The following NCOR2 variants were observed in gnomAD, a reference collection of about 807,000 sequenced individuals.
NCOR2 encodes the protein nuclear receptor corepressor 2.
In NCOR2, 81 loss-of-function variants were observed where a neutral mutation model predicts 262.9. That is an observed-to-expected ratio of 0.31 (90% CI 0.26 to 0.37). NCOR2 has a LOEUF of 0.37. NCOR2 is among the 10% of genes least tolerant of loss of function. The probability of loss-of-function intolerance (pLI) is 1.00; values close to 1 mark genes in which losing one functional copy is unlikely to be tolerated. For missense variants in NCOR2, 3,385 were observed against 3,621.4 expected, an observed-to-expected ratio of 0.93 and a Z score of 1.68; for synonymous variants, 1,659 against 1,559.3, an observed-to-expected ratio of 1.06 and a Z score of -1.51.
chr12:124,533,892 T>C (rs1042767847), intron 1 of NCOR2, among the ~76,000 whole-genome samples: 1 of 151,978 alleles, frequency 6.6e-6, no homozygotes, highest in Non-Finnish European at 1.5e-5. Context: ...CTGACACACA[T>C]TTGTAAACTT....
intron 27 of NCOR2, among the ~76,000 whole-genome samples, chr12:124,351,717 C>T (rs1382811860): frequency 6.7e-6 from 1 of 148,348 alleles, no homozygotes; most frequent in Non-Finnish European, 1.5e-5. Context: ...ACCAAGCTGC[C>T]GTGGGACCTC....
intron 3 of NCOR2, among the ~76,000 whole-genome samples, chr12:124,480,732 CA>C (rs2047410090): frequency 6.6e-6 from 1 of 151,794 alleles, no homozygotes; most frequent in East Asian, 1.9e-4. Flanking sequence ...CAAGCACCCC[CA>C]GGCGCCCTTG....
Position 124,326,371 on chromosome 12 carries a change from C to G in NCOR2, c.7184-1G>C. 6.7e-7 allele frequency: 1 copy of G among 1,488,588 alleles called. No individual in the cohort carries two copies. Among genetic ancestry groups the G allele is most frequent in the Non-Finnish European group, 8.9e-7 (1 of 1,124,502 alleles). The allele number at this position is 1,488,588 out of a possible 1,614,324, so 92.2% of individuals were successfully genotyped here. ...GAGACCTTGGCCTTCCCGCCGCCAC[C>G]TGCAGGGGGACAAGATGGGAAGGGG... is the stretch of plus-strand genomic sequence containing the variant. On this transcript the variant is annotated splice_acceptor_variant, in intron 45 of 46. Transcript: ENST00000405201. LOFTEE classifies it high-confidence loss of function.
chr12:124,524,563 C>A (rs1311219143), intron 1 of NCOR2, among the ~76,000 whole-genome samples: 1 of 152,196 alleles, frequency 6.6e-6, no homozygotes, highest in Non-Finnish European at 1.5e-5. Flanking sequence ...AAAGCCAGCT[C>A]CCAGAGGCAT....
In NCOR2 at chr12:124,541,906, G is replaced by GA. The variant is rs1447770998; in HGVS notation, c.-164-6296_-164-6295insT. On this transcript the variant is annotated intron_variant, in intron 1 of 32. Coordinates refer to the NCOR2 transcript ENST00000458234. ...GGAGTGGAGAGCTGGAGGGGGAGGG[G>GA]GTGGAGAGTTGGAGGGGGATGGGGA... 8.1e-5 allele frequency among the ~76,000 whole-genome samples: 10 copies of GA among 123,912 alleles called. No individual in the cohort carries two copies. The East Asian group carries it at 2.7e-3, about 33-fold the overall frequency. The allele number at this position is 123,912 out of a possible 152,430, so 81.3% of individuals were successfully genotyped here.
intron 3 of NCOR2, among the ~76,000 whole-genome samples, chr12:124,473,408 TC>T (rs984064714): frequency 7.2e-5 from 11 of 152,160 alleles, no homozygotes; most frequent in Admixed American, 7.2e-4. Context: ...TGGCCTAGCC[TC>T]CCAGCCTACA....
intron 13 of NCOR2, among the ~76,000 whole-genome samples, chr12:124,409,367 C>A (rs1052140458): frequency 1.3e-5 from 2 of 152,212 alleles, no homozygotes; most frequent in Non-Finnish European, 2.9e-5. Flanking sequence ...GCTGTGCCCA[C>A]GGCCTGGGGT....
intron 1 of NCOR2, among the ~76,000 whole-genome samples, chr12:124,490,419 T>TGGAG (rs2048019809): frequency 1.0e-5 from 1 of 95,514 alleles, no homozygotes; most frequent in Admixed American, 1.1e-4. Context: ...GATGGATGGA[T>TGGAG]GGATGGATGG....
At chr12:124,346,516 C>CA in intron 31 of NCOR2, 48 bp downstream of exon 33, 1 of 1,456,672 alleles carries the variant, frequency 6.9e-7, no homozygotes, top group Non-Finnish European at 9.0e-7. Context: ...CCACAGCCAC[C>CA]GCCACCCCTC....
At chr12:124,416,318 G>A (rs903291375) in intron 13 of NCOR2, among the ~76,000 whole-genome samples, 1 of 152,192 alleles carries the variant, frequency 6.6e-6, no homozygotes, top group South Asian at 2.1e-4. Flanking sequence ...GGCCCTGGGA[G>A]GTACCGGGAC....
At chr12:124,380,396 G>C (rs1050511035) in intron 17 of NCOR2, among the ~76,000 whole-genome samples, 1 of 152,210 alleles carries the variant, frequency 6.6e-6, no homozygotes, top group Non-Finnish European at 1.5e-5. Flanking sequence ...CACAGTTTCC[G>C]ACACCAACAG....
At chr12:124,406,712 A>T (rs2136223222) in intron 13 of NCOR2, among the ~76,000 whole-genome samples, 1 of 152,270 alleles carries the variant, frequency 6.6e-6, no homozygotes, top group African/African-American at 2.4e-5. Flanking sequence ...ACTCTGTGAC[A>T]AACCCTACTG....
At chr12:124,553,716 T>A (rs1025126808) in intron 1 of NCOR2, among the ~76,000 whole-genome samples, 7 of 152,176 alleles carry the variant, frequency 4.6e-5, no homozygotes, top group African/African-American at 7.2e-5. Context: ...TTCTGACCAG[T>A]CACAAATGGC....
At chr12:124,505,276 C>T (rs570789104) in intron 1 of NCOR2, among the ~76,000 whole-genome samples, 3 of 152,348 alleles carry the variant, frequency 2.0e-5, no homozygotes, top group East Asian at 3.9e-4. Context: ...GAACCTTCCC[C>T]CAACCCCAAG....
chr12:124,453,780 C>T (rs1206016533), intron 6 of NCOR2, among the ~76,000 whole-genome samples: 3 of 152,226 alleles, frequency 2.0e-5, no homozygotes, highest in Non-Finnish European at 4.4e-5. Flanking sequence ...TCCACCACTG[C>T]GCCCGCTCCC....
At position 124,440,759 on chromosome 12, in the gene NCOR2, G is replaced by A. The variant is rs1011457400; in HGVS notation, c.816-2763C>T. Among the ~76,000 whole-genome samples, 5 of 152,162 alleles carry A rather than the reference G, an allele frequency of 3.3e-5. No homozygotes were observed. Among genetic ancestry groups the A allele is most frequent in the Non-Finnish European group, 5.9e-5 (4 of 68,030 alleles). On this transcript the variant is annotated intron_variant, in intron 7 of 46. Transcript: ENST00000405201. This position sits in a 1 kb window ranked among gnomAD's most constrained non-coding sequence, Gnocchi z 5.7. The stretch of plus-strand genomic sequence containing the variant: ...GGTGGGCTAGTGGGTGCTGGGGGAC[G>A]GGGTGTGAGGGGCTATTTTAGATTC...
rs1465088861 is a variant in NCOR2 at position 124,355,673 on chromosome 12, G to C, written c.3242-102C>G. The C allele has an allele frequency of 4.2e-6, 6 of 1,428,518 alleles. No homozygotes were observed. The African/African-American group carries it at 8.7e-5, about 21-fold the overall frequency. 88.5% of individuals were successfully genotyped at this position (1,428,518 alleles called of 1,614,324 possible). A position where few individuals can be genotyped will look rare whatever the true frequency, so the allele number is the denominator to read the frequency against. On this transcript the variant is annotated intron_variant, in intron 23 of 46. Coordinates refer to ENST00000405201, the Ensembl canonical transcript of NCOR2. ...TCCACCTCTTCCCTGTCCTGGCCAG[G>C]AAGTGCCCATCCATGCGCACTCCTC... is the stretch of plus-strand genomic sequence containing the variant.
At chr12:124,490,092 G>GAGCT (rs921109301) in intron 1 of NCOR2, among the ~76,000 whole-genome samples, 12 of 152,172 alleles carry the variant, frequency 7.9e-5, no homozygotes, top group Non-Finnish European at 1.6e-4. Context: ...ACAGTCAAGA[G>GAGCT]AGCTCCCACC....
At chr12:124,512,281 T>TA (rs2049437402) in intron 1 of NCOR2, among the ~76,000 whole-genome samples, 1 of 152,354 alleles carries the variant, frequency 6.6e-6, no homozygotes, top group Admixed American at 6.5e-5. Context: ...AGCAGGACCC[T>TA]ACTCCCTCCA....
Sources: allele counts gnomAD v4.1 joint callset (sites outside exome capture counted in the v4.1 genomes callset), GRCh38; gene constraint gnomAD v4.1.1; non-coding constraint Gnocchi (gnomAD v3.1); transcripts MANE v1.5; gene names NCBI Gene and HGNC (gene_info 2026-07-23, HGNC 2026-07-21).